Variants in STUM observed in about 807,000 individuals in gnomAD.
STUM encodes the protein protein stum homolog.
A neutral mutation model predicts 15.3 loss-of-function variants in STUM; 8 were observed. That is an observed-to-expected ratio of 0.52 (90% CI 0.31 to 0.94). The LOEUF is 0.94. Among genes scored for constraint, STUM ranks in the 40% least tolerant of loss-of-function variants. STUM has a pLI of 0.05. For missense variants in STUM, 142 were observed against 204.9 expected, an observed-to-expected ratio of 0.69 and a Z score of 1.87; for synonymous variants, 78 against 88.7, an observed-to-expected ratio of 0.88 and a Z score of 0.68.
At chr1:226,601,645 C>T (rs997035646) in intron 3 of STUM, among the ~76,000 whole-genome samples, 6 of 152,168 alleles carry the variant, frequency 3.9e-5, no homozygotes, top group Admixed American at 3.9e-4. Context: ...GCCCAACCTT[C>T]GGGGAAGCCT....
Position 226,604,283 on chromosome 1 carries a change from G to A in STUM, c.*2243G>A, listed in dbSNP as rs1307322134. 1 of 152,256 alleles carries A rather than the reference G, an allele frequency of 6.6e-6. No individual in the cohort carries two copies. The highest frequency in any genetic ancestry group is 1.5e-5 in the Non-Finnish European group (1 of 68,104). The allele number at this position is 152,256 out of a possible 1,614,324, so 9.4% of individuals were successfully genotyped here. A position where few individuals can be genotyped will look rare whatever the true frequency, so the allele number is the denominator to read the frequency against. ...CAGGTGGGACTTTCTTGAGTGGCAG[G>A]TGTCACCCTGGGTCCCGTGTGGGAT... On this transcript the variant is annotated 3_prime_UTR_variant, in exon 4 of 4. Transcript: ENST00000366788. This position sits in a 1 kb window ranked among gnomAD's most constrained non-coding sequence, Gnocchi z 4.7.
rs186682327 is a variant in STUM at position 226,565,926 on chromosome 1, G to T, written c.202+16820G>T. Among the ~76,000 whole-genome samples the T allele has an allele frequency of 6.6e-6, 1 of 152,318 alleles. No individual in the cohort carries two copies. Among genetic ancestry groups the T allele is most frequent in the Admixed American group, 6.5e-5 (1 of 15,300 alleles). On this transcript the variant is annotated intron_variant, in intron 1 of 3. Coordinates refer to ENST00000366788, the MANE Select transcript of STUM (RefSeq NM_001003665.4). This position sits in a 1 kb window ranked among gnomAD's most constrained non-coding sequence, Gnocchi z 4.4. Reference sequence around the variant, plus strand: ...GCAACAGCTGCCCAGCCCATTGCTTGTGCCTGGGCTTACCAGCGATTCCTC... The same window carrying T: ...GCAACAGCTGCCCAGCCCATTGCTTTTGCCTGGGCTTACCAGCGATTCCTC...
chr1:226,562,160 A>ATTT (rs1667551259), intron 1 of STUM, among the ~76,000 whole-genome samples: 1 of 152,132 alleles, frequency 6.6e-6, no homozygotes, highest in African/African-American at 2.4e-5. Context: ...CAGTGGGTGA[A>ATTT]TTTTGTGATA....
At position 226,549,121 on chromosome 1, in the gene STUM, C is replaced by G. The variant is rs1353359863; in HGVS notation, c.202+15C>G. The G allele has an allele frequency of 6.4e-7, 1 of 1,566,994 alleles. No homozygotes were observed. On this transcript the variant is annotated intron_variant, in intron 1 of 3. Coordinates refer to ENST00000366788, the MANE Select transcript of STUM (RefSeq NM_001003665.4). The surrounding 1 kb of genome is among the most constrained non-coding windows in gnomAD (Gnocchi z 6.8). ...GCCGGGACTGGGTAAGACACGGCTG[C>G]CGCGACCCTTGCGACCCCCACCCCG...
At position 226,549,818 on chromosome 1, in the gene STUM, T is replaced by C. The variant is rs959735123; in HGVS notation, c.202+712T>C. Among the ~76,000 whole-genome samples the C allele has an allele frequency of 1.3e-5, 2 of 152,182 alleles. No homozygotes were observed. The highest frequency in any genetic ancestry group is 4.8e-5 in the African/African-American group (2 of 41,446). ...TCCTGAGAAGTAGAGAGTGCGCCGA[T>C]GTAATTCTGTGCAGGACTCCGGCAG... is the stretch of plus-strand genomic sequence containing the variant. On this transcript the variant is annotated intron_variant, in intron 1 of 3. Transcript: ENST00000366788. This position sits in a 1 kb window ranked among gnomAD's most constrained non-coding sequence, Gnocchi z 6.8.
chr1:226,577,689 G>T (rs982998535), intron 1 of STUM, among the ~76,000 whole-genome samples: 4 of 152,146 alleles, frequency 2.6e-5, no homozygotes, highest in South Asian at 4.1e-4. Context: ...TGAAAGGGAG[G>T]GGGGGCCAGC....
In STUM at chr1:226,600,958, G is replaced by A. The variant is rs1039721795; in HGVS notation, c.391+284G>A. 1.3e-5 allele frequency among the ~76,000 whole-genome samples: 2 copies of A among 152,106 alleles called. No homozygotes were observed. Among genetic ancestry groups the A allele is most frequent in the Admixed American group, 6.6e-5 (1 of 15,262 alleles). ...CCACATCTCCCCTACCCCAGCATGG[G>A]TTATTAGCACCCAAAATTGAGAAAT... On this transcript the variant is annotated intron_variant, in intron 3 of 3. Transcript: ENST00000366788. The surrounding 1 kb of genome is among the most constrained non-coding windows in gnomAD (Gnocchi z 5.2).
At position 226,606,140 on chromosome 1, in the gene STUM, C is replaced by T. The variant is rs993267967; in HGVS notation, c.*4100C>T. The T allele has an allele frequency of 3.9e-5, 6 of 152,240 alleles. No individual in the cohort carries two copies. The highest frequency in any genetic ancestry group is 1.4e-4 in the African/African-American group (6 of 41,454). The allele number at this position is 152,240 out of a possible 1,614,324, so 9.4% of individuals were successfully genotyped here. A position where few individuals can be genotyped will look rare whatever the true frequency, so the allele number is the denominator to read the frequency against. On this transcript the variant is annotated 3_prime_UTR_variant, in exon 4 of 4. Coordinates refer to ENST00000366788, the MANE Select transcript of STUM (RefSeq NM_001003665.4). ...TCCCAACACCAAGTGTAAGGCAGCA[C>T]AAAGTGGGTCTGAAACCCCAGGACC...
At chr1:226,559,964 ACTC>A (rs1667513896) in intron 1 of STUM, among the ~76,000 whole-genome samples, 1 of 95,944 alleles carries the variant, frequency 1.0e-5, no homozygotes, top group Admixed American at 1.1e-4. Flanking sequence ...ACAGAGCAAG[ACTC>A]CGTCTCAAAA....
chr1:226,562,948 A>G (rs1667565598), intron 1 of STUM, among the ~76,000 whole-genome samples: 1 of 152,214 alleles, frequency 6.6e-6, no homozygotes, highest in Non-Finnish European at 1.5e-5. Flanking sequence ...TTGGAAACAC[A>G]TTGAAATATA....
intron 1 of STUM, among the ~76,000 whole-genome samples, chr1:226,560,242 C>G (rs897759456): frequency 1.9e-4 from 29 of 152,330 alleles, no homozygotes; most frequent in African/African-American, 7.0e-4. Flanking sequence ...GGCTTCCAAC[C>G]TCACTACTTG....
intron 1 of STUM, among the ~76,000 whole-genome samples, chr1:226,562,924 A>G (rs997701831): frequency 6.6e-6 from 1 of 152,214 alleles, no homozygotes; most frequent in African/African-American, 2.4e-5. Context: ...TATATAAGAG[A>G]ATATCTTTGT....
At chr1:226,581,782 C>T (rs1333051701) in intron 1 of STUM, among the ~76,000 whole-genome samples, 1 of 152,018 alleles carries the variant, frequency 6.6e-6, no homozygotes, top group Non-Finnish European at 1.5e-5. Flanking sequence ...GGTGAAGGAC[C>T]GCCATCCTCT....
intron 1 of STUM, among the ~76,000 whole-genome samples, chr1:226,551,171 T>G (rs1269646997): frequency 6.6e-6 from 1 of 152,150 alleles, no homozygotes; most frequent in Non-Finnish European, 1.5e-5. Context: ...TTCCTGATCC[T>G]TGGTGGTGGT....
At chr1:226,579,641 TTTTTC>T (rs1295747842) in intron 1 of STUM, among the ~76,000 whole-genome samples, 1,662 of 77,912 alleles carry the variant, frequency 0.021, 67 homozygotes, top group African/African-American at 0.083. Flanking sequence ...TTTCTTTTTC[TTTTTC>T]TTTTGAGACA....
intron 1 of STUM, among the ~76,000 whole-genome samples, chr1:226,585,806 A>T (rs1489965367): frequency 6.6e-6 from 1 of 152,136 alleles, no homozygotes; most frequent in Non-Finnish European, 1.5e-5. Context: ...ATTCGGTATG[A>T]TTTTAAGGAG....
At chr1:226,557,169 G>A (rs887131977) in intron 1 of STUM, among the ~76,000 whole-genome samples, 2 of 152,218 alleles carry the variant, frequency 1.3e-5, no homozygotes, top group African/African-American at 2.4e-5. Flanking sequence ...ACTACCATTC[G>A]ACTCTGTTCT....
At position 226,565,086 on chromosome 1, in the gene STUM, G is replaced by A. The variant is rs987520315; in HGVS notation, c.202+15980G>A. Reference sequence around the variant, plus strand: ...CTTAGCCAATGGGAGGCACTGGTAGGCATGGAGGAAAGGAGGGAGAGTTTG... The same window carrying A: ...CTTAGCCAATGGGAGGCACTGGTAGACATGGAGGAAAGGAGGGAGAGTTTG... On this transcript the variant is annotated intron_variant, in intron 1 of 3. Transcript: ENST00000366788. The surrounding 1 kb of genome is among the most constrained non-coding windows in gnomAD (Gnocchi z 4.4). 6.6e-6 allele frequency among the ~76,000 whole-genome samples: 1 copy of A among 152,218 alleles called. No homozygotes were observed. Among genetic ancestry groups the A allele is most frequent in the African/African-American group, 2.4e-5 (1 of 41,448 alleles).
chr1:226,585,643 C>G (rs1667984647), intron 1 of STUM, among the ~76,000 whole-genome samples: 1 of 152,204 alleles, frequency 6.6e-6, no homozygotes, highest in Non-Finnish European at 1.5e-5. Flanking sequence ...CCTCAGTCCC[C>G]ACTCAGAGGA....
Sources: allele counts gnomAD v4.1 joint callset (sites outside exome capture counted in the v4.1 genomes callset), GRCh38; gene constraint gnomAD v4.1.1; non-coding constraint Gnocchi (gnomAD v3.1); transcripts MANE v1.5; gene names NCBI Gene and HGNC (gene_info 2026-07-23, HGNC 2026-07-21).